The following PCDH15 variants were observed in gnomAD, a reference collection of about 807,000 sequenced individuals.
The protein encoded by PCDH15 is protocadherin-15.
PCDH15 carries 129 observed loss-of-function variants against 178.5 expected under a neutral mutation model. The observed-to-expected ratio is 0.72, with a 90% CI of 0.63 to 0.84. The LOEUF is 0.84. PCDH15 is among the 40% of genes least tolerant of loss of function. The probability of loss-of-function intolerance (pLI) is 0.00; values close to 1 mark genes in which losing one functional copy is unlikely to be tolerated. For synonymous variants in PCDH15, 800 were observed against 732.0 expected (o/e 1.09, Z -1.50); for missense variants, 2,230 against 2,099.9 (o/e 1.06, Z -1.21).
chr10:53,930,595 T>G (rs1230978506), intron 25 of PCDH15, among the ~76,000 whole-genome samples: 2 of 151,998 alleles, frequency 1.3e-5, no homozygotes, highest in Non-Finnish European at 2.9e-5. Flanking sequence ...CTGCTAAAGC[T>G]TAAAACTTTT....
intron 2 of PCDH15, among the ~76,000 whole-genome samples, chr10:54,967,912 G>A (rs1287186131): frequency 2.6e-5 from 4 of 152,082 alleles, no homozygotes; most frequent in African/African-American, 9.7e-5. Context: ...ATCACCCTAT[G>A]TGCTCAGTGT....
At chr10:53,973,375 G>A (rs192404615) in intron 21 of PCDH15, among the ~76,000 whole-genome samples, 156 of 151,866 alleles carry the variant, frequency 1.0e-3, no homozygotes, top group South Asian at 2.3e-3. Flanking sequence ...CACCAACGTG[G>A]CACATGTATA....
chr10:54,358,961 T>C (rs1589020941), intron 5 of PCDH15, among the ~76,000 whole-genome samples: 1 of 134,892 alleles, frequency 7.4e-6, no homozygotes, highest in Non-Finnish European at 1.5e-5. Flanking sequence ...AATTGAACAA[T>C]GAGAACACAT....
At chr10:54,869,843 A>C (rs1287301323) in intron 3 of PCDH15, among the ~76,000 whole-genome samples, 1 of 152,190 alleles carries the variant, frequency 6.6e-6, no homozygotes, top group African/African-American at 2.4e-5. Flanking sequence ...TCACATAAGC[A>C]CACTGCTTTA....
chr10:54,085,489 A>G (rs11004057), intron 16 of PCDH15, among the ~76,000 whole-genome samples: 4,113 of 152,276 alleles, frequency 0.027, 182 homozygotes, highest in African/African-American at 0.09. Context: ...GTTGCCATAT[A>G]TCTTATTTAA....
chr10:53,896,203 C>T (rs543587267), intron 26 of PCDH15, among the ~76,000 whole-genome samples: 68 of 151,422 alleles, frequency 4.5e-4, no homozygotes, highest in African/African-American at 1.6e-3. Flanking sequence ...ACAAATAAAC[C>T]ACAGTTATTA....
At chr10:54,165,970 T>A (rs11004114) in intron 13 of PCDH15, among the ~76,000 whole-genome samples, 52,759 of 152,006 alleles carry the variant, frequency 0.35, 10,026 homozygotes, top group African/African-American at 0.49. Flanking sequence ...ATAAAAATAC[T>A]TTACAAAAGT....
At chr10:53,893,442 AAAAT>A (rs555339677) in intron 26 of PCDH15, among the ~76,000 whole-genome samples, 44 of 152,364 alleles carry the variant, frequency 2.9e-4, no homozygotes, top group African/African-American at 8.9e-4. Flanking sequence ...AGTATATGTA[AAAAT>A]AAATAAATAA....
intron 1 of PCDH15, among the ~76,000 whole-genome samples, chr10:54,756,939 C>T (rs1271443916): frequency 1.3e-5 from 2 of 152,066 alleles, no homozygotes; most frequent in African/African-American, 4.8e-5. Context: ...TGTGTCTTAA[C>T]GTGATTAGTA....
intron 2 of PCDH15, among the ~76,000 whole-genome samples, chr10:55,093,311 C>T (rs1842362545): frequency 6.6e-6 from 1 of 151,730 alleles, no homozygotes; most frequent in African/African-American, 2.4e-5. Flanking sequence ...TTTGTTTTTT[C>T]AGTTTTACCT....
At chr10:54,185,414 T>C (rs1186305318) in intron 11 of PCDH15, 146 bp from the exon 12 acceptor site, 1 of 924,314 alleles carries the variant, frequency 1.1e-6, no homozygotes, top group Non-Finnish European at 1.7e-6. Flanking sequence ...TTTAACTAGA[T>C]ATTTACTCAA....
chr10:55,182,140 ATACTTATT>A (rs1839667484), intron 1 of PCDH15, among the ~76,000 whole-genome samples: 2 of 151,948 alleles, frequency 1.3e-5, no homozygotes, highest in African/African-American at 4.8e-5. Flanking sequence ...TAGCATGAGG[ATACTTATT>A]TTACATGCAG....
At chr10:55,287,678 T>C (rs1399446255) in intron 1 of PCDH15, among the ~76,000 whole-genome samples, 1 of 152,014 alleles carries the variant, frequency 6.6e-6, no homozygotes, top group Non-Finnish European at 1.5e-5. Context: ...TTGTGTAGTG[T>C]GTGTGTATGT....
intron 1 of PCDH15, among the ~76,000 whole-genome samples, chr10:55,170,914 G>T (rs1839315954): frequency 6.6e-6 from 1 of 152,004 alleles, no homozygotes; most frequent in Non-Finnish European, 1.5e-5. Flanking sequence ...GAAAAAGAAA[G>T]CGTAATTGAT....
chr10:55,077,653 G>A (rs192197522), intron 2 of PCDH15, among the ~76,000 whole-genome samples: 6 of 151,926 alleles, frequency 3.9e-5, no homozygotes, highest in African/African-American at 9.7e-5. Context: ...GGGTTCAAGC[G>A]ATTCTCCTGC....
At chr10:55,061,009 T>C (rs1245855495) in intron 2 of PCDH15, among the ~76,000 whole-genome samples, 5 of 152,054 alleles carry the variant, frequency 3.3e-5, no homozygotes, top group Non-Finnish European at 5.9e-5. Context: ...CTCGATAACT[T>C]TGGGGTTGGC....
chr10:54,833,890 C>T (rs938620137), intron 3 of PCDH15, among the ~76,000 whole-genome samples: 3 of 151,952 alleles, frequency 2.0e-5, no homozygotes, highest in Non-Finnish European at 4.4e-5. Flanking sequence ...ATGGGTAGAT[C>T]GGGTGTTTTG....
intron 2 of PCDH15, among the ~76,000 whole-genome samples, chr10:55,162,833 CTCAGT>C (rs1247531170): frequency 6.6e-6 from 1 of 152,128 alleles, no homozygotes; most frequent in Non-Finnish European, 1.5e-5. Context: ...AGGTTTGAGT[CTCAGT>C]CCCTCTGCTT....
At chr10:54,341,178 A>G (rs565249025) in intron 6 of PCDH15, among the ~76,000 whole-genome samples, 1 of 151,984 alleles carries the variant, frequency 6.6e-6, no homozygotes, top group African/African-American at 2.4e-5. Context: ...CTGCCTAACC[A>G]TCTAGTTGAT....
Sources: allele counts gnomAD v4.1 joint callset (sites outside exome capture counted in the v4.1 genomes callset), GRCh38; gene constraint gnomAD v4.1.1; transcripts MANE v1.5; gene names NCBI Gene and HGNC (gene_info 2026-07-23, HGNC 2026-07-21).